Variants in ANGPTL1 observed in about 807,000 individuals in gnomAD.
The protein encoded by ANGPTL1 is angiopoietin-related protein 1.
Under a neutral mutation model 46.7 loss-of-function variants are expected in ANGPTL1, and 36 were observed. That is an observed-to-expected ratio of 0.77 (90% confidence interval 0.59 to 1.02). The LOEUF (loss-of-function observed/expected upper bound fraction) is 1.02, where lower values mean the gene tolerates loss of function less well. Ranked by LOEUF, ANGPTL1 falls within the 50% of genes least tolerant of loss-of-function variation. The pLI is 0.00. For missense variants in ANGPTL1, 571 were observed against 594.7 expected (o/e 0.96, Z 0.41); for synonymous variants, 221 against 204.3 (o/e 1.08, Z -0.69).
chr1:178,859,622 A>G (rs1324089126), intron 3 of ANGPTL1, among the ~76,000 whole-genome samples: 1 of 151,044 alleles, frequency 6.6e-6, no homozygotes, highest in East Asian at 2.0e-4. Context: ...ACAAGGAAAG[A>G]CACATAAAGG....
chr1:178,852,583 G>T, intron 5 of ANGPTL1, 100 bp downstream of exon 5: 1 of 1,320,892 alleles, frequency 7.6e-7, no homozygotes, highest in Middle Eastern at 2.5e-4. Context: ...GACCAAAACT[G>T]ACCTTTTTGA....
At chr1:178,858,616 G>T (rs1657748841) in intron 3 of ANGPTL1, among the ~76,000 whole-genome samples, 1 of 152,150 alleles carries the variant, frequency 6.6e-6, no homozygotes, top group Non-Finnish European at 1.5e-5. Flanking sequence ...CAGTCTCTCT[G>T]TTCCTCAATT....
chr1:178,870,857 T>C lies in ANGPTL1; in HGVS notation c.-253A>G, dbSNP rs1658714399. 1 of 152,228 alleles carries C rather than the reference T, an allele frequency of 6.6e-6. No individual in the cohort carries two copies. The highest frequency in any genetic ancestry group is 1.5e-5 in the Non-Finnish European group (1 of 68,030). 9.4% of individuals were successfully genotyped at this position (152,228 alleles called of 1,614,324 possible). ...TTTAATGGCAGCTGCATTTTTGTTT[T>C]GGACCGTTGAATCCAAGCTGTAAGA... On this transcript the variant is annotated 5_prime_UTR_variant, in exon 1 of 6. Transcript: ENST00000234816.
chr1:178,850,206 A>AAC lies in ANGPTL1; in HGVS notation c.*922_*923insGT. The AAC allele has an allele frequency of 6.5e-6, 1 of 152,710 alleles. No individual in the cohort carries two copies. The highest frequency in any genetic ancestry group is 1.9e-4 in the East Asian group (1 of 5,188). 9.5% of individuals were successfully genotyped at this position (152,710 alleles called of 1,614,324 possible). On this transcript the variant is annotated 3_prime_UTR_variant, in exon 6 of 6. Coordinates refer to ENST00000234816, the MANE Select transcript of ANGPTL1 (RefSeq NM_004673.4). ...TTCTGAGCATGCACTAATACTTGTAAAGCTGTCCAAACTTTCTGATTTGAA... is the reference window on the plus strand; with the variant it reads ...TTCTGAGCATGCACTAATACTTGTAAACAGCTGTCCAAACTTTCTGATTTGAA...
chr1:178,864,828 C>T, intron 3 of ANGPTL1, 126 bp downstream of exon 3: 1 of 559,314 alleles, frequency 1.8e-6, no homozygotes, highest in Non-Finnish European at 2.7e-6. Context: ...TAATAAAAAA[C>T]AATAGAAATT....
intron 3 of ANGPTL1, among the ~76,000 whole-genome samples, chr1:178,861,217 T>C (rs1255660131): frequency 6.6e-6 from 1 of 152,066 alleles, no homozygotes; most frequent in Non-Finnish European, 1.5e-5. Context: ...GTCTAGCAGA[T>C]TATCCCTTTG....
Position 178,865,531 on chromosome 1 carries a change from C to T in ANGPTL1, c.246G>A (p.Arg82=), listed in dbSNP as rs1354334105. The T allele has an allele frequency of 6.2e-7, 1 of 1,614,102 alleles. No homozygotes were observed. Among genetic ancestry groups the T allele is most frequent in the African/African-American group, 1.3e-5 (1 of 75,036 alleles). ...DASTIKDMIT[R]MDLENLKDVL... ...CATCCTTCAGGTTTTCAAGGTCCAT[C>T]CTGGTGATCATGTCTTTAATGGTAC... The change falls in exon 3 of 6, where the codon AGG becomes AGA. Residue 82 remains arginine (R), a synonymous_variant. Coordinates refer to ENST00000234816, the MANE Select transcript of ANGPTL1 (RefSeq NM_004673.4).
At chr1:178,869,833 C>T (rs570890624) in intron 1 of ANGPTL1, among the ~76,000 whole-genome samples, 3 of 152,054 alleles carry the variant, frequency 2.0e-5, no homozygotes, top group Non-Finnish European at 4.4e-5. Flanking sequence ...CTATTGGTAA[C>T]GAGTAATTTT....
intron 3 of ANGPTL1, among the ~76,000 whole-genome samples, chr1:178,854,133 CTATCATTG>C (rs1232108228): frequency 6.6e-6 from 1 of 152,056 alleles, no homozygotes; most frequent in Non-Finnish European, 1.5e-5. Flanking sequence ...TTTTATCCTT[CTATCATTG>C]GACATTGAGG....
At chr1:178,852,552 G>T in intron 5 of ANGPTL1, 131 bp downstream of exon 5, 1 of 814,652 alleles carries the variant, frequency 1.2e-6, no homozygotes, top group Non-Finnish European at 1.8e-6. Context: ...TCAGTAGGTT[G>T]GTTGTATTTC....
At chr1:178,862,498 T>G (rs2102327546) in intron 3 of ANGPTL1, among the ~76,000 whole-genome samples, 1 of 152,288 alleles carries the variant, frequency 6.6e-6, no homozygotes, top group African/African-American at 2.4e-5. Flanking sequence ...CAAAATGTCT[T>G]ATGTATGTTA....
At chr1:178,859,826 C>G (rs918440812) in intron 3 of ANGPTL1, among the ~76,000 whole-genome samples, 2 of 85,330 alleles carry the variant, frequency 2.3e-5, no homozygotes, top group African/African-American at 4.1e-5. Flanking sequence ...GCCCGCCCCC[C>G]CCCCCCCAAC....
rs1558150044 is a variant in ANGPTL1 at position 178,852,756 on chromosome 1, AT to A, written c.1214del (p.Asn405MetfsTer6). On this transcript the variant is annotated frameshift_variant, in exon 5 of 6. Transcript: ENST00000234816. LOFTEE classifies it high-confidence loss of function. ...YRLRLGTYQG[N>X]AGDSMMWHNG... Reference sequence around the variant, plus strand: ...TATGCCACATCATAGAATCCCCTGCATTTCCCTGGTAAGTTCCCAGGCGCAG... The same window carrying A: ...TATGCCACATCATAGAATCCCCTGCATTCCCTGGTAAGTTCCCAGGCGCAG... The A allele has an allele frequency of 6.2e-7, 1 of 1,613,870 alleles. No homozygotes were observed. The highest frequency in any genetic ancestry group is 8.5e-7 in the Non-Finnish European group (1 of 1,179,856).
chr1:178,867,952 G>A (rs1658522803), intron 2 of ANGPTL1, among the ~76,000 whole-genome samples: 2 of 151,902 alleles, frequency 1.3e-5, no homozygotes, highest in Non-Finnish European at 2.9e-5. Context: ...AAAATGGGTA[G>A]ATAATGAAAA....
At chr1:178,855,927 A>C (rs2102304759) in intron 3 of ANGPTL1, among the ~76,000 whole-genome samples, 1 of 149,574 alleles carries the variant, frequency 6.7e-6, no homozygotes, top group South Asian at 2.1e-4. Context: ...CACGAATTAC[A>C]TTGAATATAT....
intron 3 of ANGPTL1, among the ~76,000 whole-genome samples, chr1:178,855,112 G>A (rs1657441597): frequency 6.6e-6 from 1 of 152,012 alleles, no homozygotes; most frequent in Non-Finnish European, 1.5e-5. Flanking sequence ...GTACTATAAG[G>A]ATAATAGGAT....
intron 3 of ANGPTL1, among the ~76,000 whole-genome samples, chr1:178,864,023 T>C (rs1658215078): frequency 6.6e-6 from 1 of 152,230 alleles, no homozygotes; most frequent in Admixed American, 6.5e-5. Flanking sequence ...GGGTTTTCCC[T>C]TCCACTCTAA....
intron 3 of ANGPTL1, among the ~76,000 whole-genome samples, chr1:178,857,128 G>A (rs1657641195): frequency 6.6e-6 from 1 of 152,188 alleles, no homozygotes; most frequent in Admixed American, 6.5e-5. Flanking sequence ...TTATGTGGGA[G>A]TGAGATGGAA....
rs190914516 is a variant in ANGPTL1, at chr1:178,865,111, A to G, written c.666T>C (p.His222=). ...GAGTATACTGTTGGCTGTTAGGAATATGTTGTGGCACCACCTGGACAAGTG... is the reference window on the plus strand; with the variant it reads ...GAGTATACTGTTGGCTGTTAGGAATGTGTTGTGGCACCACCTGGACAAGTG... ...SPPLVQVVPQ[H]IPNSQQYTPG... The change falls in exon 3 of 6, where the codon CAT becomes CAC. Residue 222 remains histidine (H), a synonymous_variant. Transcript: ENST00000234816. The G allele has an allele frequency of 6.3e-5, 99 of 1,575,894 alleles. No individual in the cohort carries two copies. The East Asian group carries it at 1.8e-3, about 28-fold the overall frequency.
Sources: allele counts gnomAD v4.1 joint callset (sites outside exome capture counted in the v4.1 genomes callset), GRCh38; gene constraint gnomAD v4.1.1; transcripts MANE v1.5; gene names NCBI Gene and HGNC (gene_info 2026-07-23, HGNC 2026-07-21).